CYP27C1: variants seen among roughly 807,000 people sequenced by gnomAD.
CYP27C1 encodes cytochrome P450 27C1.
A neutral mutation model predicts 40.6 loss-of-function variants in CYP27C1; 29 were observed. That is an observed-to-expected ratio of 0.71 (90% CI 0.53 to 0.97). The LOEUF is 0.97. CYP27C1 is among the 50% of genes least tolerant of loss of function. CYP27C1 has a pLI of 0.00. For synonymous variants in CYP27C1, 198 were observed against 186.8 expected, an observed-to-expected ratio of 1.06 and a Z score of -0.49; for missense variants, 390 against 485.8, an observed-to-expected ratio of 0.80 and a Z score of 1.85.
rs72845914 is a variant in CYP27C1, at chr2:127,201,488, G to T, written c.674-157C>A. On this transcript the variant is annotated intron_variant, in intron 3 of 8. Coordinates refer to ENST00000664447, the MANE Select transcript of CYP27C1 (RefSeq NM_001367502.1). This position sits in a 1 kb window ranked among gnomAD's most constrained non-coding sequence, Gnocchi z 6.0. ...GATTTCTCTGCATCCTGAACTGCAG[G>T]GTGCTGGCATTTAGGGCTGACAGGT... 0.037 allele frequency among the ~76,000 whole-genome samples: 5,660 copies of T among 152,248 alleles called. 154 individuals carry two copies. Among genetic ancestry groups the T allele is most frequent in the South Asian group, 0.07 (336 of 4,814 alleles).
At chr2:127,207,053 A>G (rs1217587758) in intron 1 of CYP27C1, among the ~76,000 whole-genome samples, 3 of 152,214 alleles carry the variant, frequency 2.0e-5, no homozygotes, top group African/African-American at 7.2e-5. Context: ...TCAATTTACA[A>G]TACATCAAAA....
chr2:127,193,025 T>G, intron 8 of CYP27C1, 69 bp downstream of exon 8: 5 of 1,570,082 alleles, frequency 3.2e-6, no homozygotes, highest in Non-Finnish European at 3.5e-6. Context: ...AACCTGGAAG[T>G]CTTTATCCTG....
At chr2:127,197,992 G>A (rs1261316250) in intron 5 of CYP27C1, among the ~76,000 whole-genome samples, 1 of 152,160 alleles carries the variant, frequency 6.6e-6, no homozygotes, top group Non-Finnish European at 1.5e-5. Context: ...CCGGGAGGGG[G>A]CGGTGCCGCT....
intron 5 of CYP27C1, 26 bp downstream of exon 5, chr2:127,199,350 G>A (rs762140933): frequency 9.3e-6 from 15 of 1,610,230 alleles, no homozygotes; most frequent in Non-Finnish European, 1.1e-5. Context: ...TGTGTTGCTT[G>A]CTGAGAACAG....
chr2:127,202,406 G>A (rs1006632458), intron 3 of CYP27C1, among the ~76,000 whole-genome samples: 2 of 152,166 alleles, frequency 1.3e-5, no homozygotes, highest in Non-Finnish European at 2.9e-5. Context: ...GATTACAGGC[G>A]TGAGCCACCG....
At position 127,193,375 on chromosome 2, in the gene CYP27C1, C is replaced by T. The variant is rs575084258; in HGVS notation, c.1294-78G>A. Reference sequence around the variant, plus strand: ...GCAGGGCAGGGCCCAGAGCCCTAGCCGGACAGTCTCCCGGGGTGCTCCCGC... The same window carrying T: ...GCAGGGCAGGGCCCAGAGCCCTAGCTGGACAGTCTCCCGGGGTGCTCCCGC... On this transcript the variant is annotated intron_variant, in intron 7 of 8. Coordinates refer to ENST00000664447, the MANE Select transcript of CYP27C1 (RefSeq NM_001367502.1). 34 of 1,570,480 alleles carry T rather than the reference C, an allele frequency of 2.2e-5. No individual in the cohort carries two copies. The Admixed American group carries it at 2.4e-4, about 11-fold the overall frequency.
chr2:127,210,344 A>G (rs1335522578), intron 1 of CYP27C1, among the ~76,000 whole-genome samples: 1 of 152,234 alleles, frequency 6.6e-6, no homozygotes. Flanking sequence ...TCTGCCATGC[A>G]AGAGCTCCTA....
intron 8 of CYP27C1, among the ~76,000 whole-genome samples, chr2:127,192,630 G>C (rs562732633): frequency 0.03 from 4,451 of 147,834 alleles, 226 homozygotes; most frequent in African/African-American, 0.1. Context: ...GGGGGGGGGG[G>C]CTGCTGCTGA....
chr2:127,190,637 G>A (rs1682746184), intron 8 of CYP27C1, among the ~76,000 whole-genome samples: 1 of 149,576 alleles, frequency 6.7e-6, no homozygotes, highest in Admixed American at 6.6e-5. Flanking sequence ...ACAGTGCCTG[G>A]CTTTTTTCTT....
chr2:127,201,398 G>C lies in CYP27C1; in HGVS notation c.674-67C>G. On this transcript the variant is annotated intron_variant, in intron 3 of 8. Coordinates refer to ENST00000664447, the MANE Select transcript of CYP27C1 (RefSeq NM_001367502.1). This position sits in a 1 kb window ranked among gnomAD's most constrained non-coding sequence, Gnocchi z 6.0. ...TTACCATACCAACAGGCAATGTTGGGCCATAAATGCAACTTTCAAACGTGG... is the reference window on the plus strand; with the variant it reads ...TTACCATACCAACAGGCAATGTTGGCCCATAAATGCAACTTTCAAACGTGG... The C allele has an allele frequency of 2.7e-6, 4 of 1,469,676 alleles. No homozygotes were observed. The highest frequency in any genetic ancestry group is 3.7e-6 in the Non-Finnish European group (4 of 1,071,864). The allele number at this position is 1,469,676 out of a possible 1,614,324, so 91.0% of individuals were successfully genotyped here.
At chr2:127,204,591 A>C (rs959653139) in intron 2 of CYP27C1, among the ~76,000 whole-genome samples, 2 of 96,064 alleles carry the variant, frequency 2.1e-5, no homozygotes, top group East Asian at 7.3e-4. Flanking sequence ...GAAAGAAAGA[A>C]AGAAAGAAAG....
chr2:127,205,271 G>GC (rs1683199895), intron 2 of CYP27C1, among the ~76,000 whole-genome samples: 1 of 152,150 alleles, frequency 6.6e-6, no homozygotes. Flanking sequence ...GAAATTGGTG[G>GC]CTGTATTTCT....
rs909193069 is a variant in CYP27C1, at chr2:127,196,511, T to C, written c.1048-1010A>G. Among the ~76,000 whole-genome samples, 2 of 145,358 alleles carry C rather than the reference T, an allele frequency of 1.4e-5. No homozygotes were observed. The highest frequency in any genetic ancestry group is 2.6e-5 in the African/African-American group (1 of 38,866). ...TCTAGTAAACAAGGAAATGCCACAG[T>C]ATAAAGGCCTTTCTCTTTCACCAAA... is the stretch of plus-strand genomic sequence containing the variant. On this transcript the variant is annotated intron_variant, in intron 5 of 8. Coordinates refer to ENST00000664447, the MANE Select transcript of CYP27C1 (RefSeq NM_001367502.1). This position sits in a 1 kb window ranked among gnomAD's most constrained non-coding sequence, Gnocchi z 4.5.
intron 7 of CYP27C1, 114 bp from the exon 8 acceptor site, chr2:127,193,411 C>T: frequency 8.1e-7 from 1 of 1,237,014 alleles, no homozygotes; most frequent in Non-Finnish European, 1.1e-6. Flanking sequence ...CTGGGGGCCG[C>T]CCGGGTCCAC....
rs1056602864 is a variant in CYP27C1, at chr2:127,187,304, C to T, written c.1581G>A (p.Gly527=). The change falls in exon 9 of 9, where the codon GGG becomes GGA. Residue 527 remains glycine (G), a synonymous_variant. Transcript: ENST00000664447. ...AKTHGLLTPG[G]PIHVRFVNRK ...TGTTAACAAATCGCACGTGGATGGG[C>T]CCCCCTGGCGTCAGGAGCCCGTGGG... 3.1e-6 allele frequency: 5 copies of T among 1,613,394 alleles called. No individual in the cohort carries two copies. The highest frequency in any genetic ancestry group is 2.2e-5 in the East Asian group (1 of 44,864).
chr2:127,187,780 T>C (rs1435798116), intron 8 of CYP27C1, among the ~76,000 whole-genome samples: 1 of 152,220 alleles, frequency 6.6e-6, no homozygotes, highest in African/African-American at 2.4e-5. Context: ...CCGGGTTTCC[T>C]GCTGGTTCTG....
rs578042215 is a variant in CYP27C1, at chr2:127,196,352, C to T, written c.1048-851G>A. ...CTGGGATTACAGGCGTGAGCCACCA[C>T]GCCCGGTCAGCCATGTCATTTTTTA... On this transcript the variant is annotated intron_variant, in intron 5 of 8. Transcript: ENST00000664447. This position sits in a 1 kb window ranked among gnomAD's most constrained non-coding sequence, Gnocchi z 4.5. 1.3e-5 allele frequency among the ~76,000 whole-genome samples: 2 copies of T among 152,320 alleles called. No individual in the cohort carries two copies. Among genetic ancestry groups the T allele is most frequent in the African/African-American group, 4.8e-5 (2 of 41,576 alleles).
At chr2:127,187,461 A>G in intron 8 of CYP27C1, 74 bp from the exon 9 acceptor site, 1 of 1,330,800 alleles carries the variant, frequency 7.5e-7, no homozygotes, top group Non-Finnish European at 1.1e-6. Context: ...GAATGCTTTT[A>G]CTCTTCCTGT....
At chr2:127,211,417 C>A (rs973239189) in intron 1 of CYP27C1, among the ~76,000 whole-genome samples, 1 of 119,916 alleles carries the variant, frequency 8.3e-6, no homozygotes. Flanking sequence ...GAGTCTCGCT[C>A]TTTCACCCAG....
Sources: allele counts gnomAD v4.1 joint callset (sites outside exome capture counted in the v4.1 genomes callset), GRCh38; gene constraint gnomAD v4.1.1; non-coding constraint Gnocchi (gnomAD v3.1); transcripts MANE v1.5; gene names NCBI Gene and HGNC (gene_info 2026-07-23, HGNC 2026-07-21).